GRID1: variants seen among roughly 807,000 people sequenced by gnomAD.
GRID1 encodes the protein glutamate receptor ionotropic, delta-1.
In GRID1, 28 loss-of-function variants were observed where a neutral mutation model predicts 98.0. That is an observed-to-expected ratio of 0.29 (90% CI 0.21 to 0.39). The LOEUF is 0.39. Among genes scored for constraint, GRID1 ranks in the 10% least tolerant of loss-of-function variants. GRID1 has a pLI of 1.00. For missense variants in GRID1, 1,111 were observed against 1,340.5 expected (o/e 0.83, Z 2.67); for synonymous variants, 553 against 538.5 (o/e 1.03, Z -0.37).
chr10:85,635,673 G>A (rs1201064133), intron 13 of GRID1, among the ~76,000 whole-genome samples: 1 of 152,198 alleles, frequency 6.6e-6, no homozygotes, highest in Non-Finnish European at 1.5e-5. Flanking sequence ...GTCTAGCAGG[G>A]CTGTGACAGA....
intron 8 of GRID1, among the ~76,000 whole-genome samples, chr10:85,826,225 C>T (rs529203518): frequency 2.0e-5 from 3 of 152,254 alleles, no homozygotes; most frequent in Middle Eastern, 6.8e-3. Flanking sequence ...ATCCCAGCTA[C>T]TCGGGAGGCT....
chr10:86,045,785 C>T (rs192166426), intron 4 of GRID1, among the ~76,000 whole-genome samples: 183 of 152,226 alleles, frequency 1.2e-3, no homozygotes, highest in African/African-American at 4.0e-3. Flanking sequence ...GTGTGAAGGC[C>T]GTTGTTATGG....
chr10:85,768,076 C>G (rs961764736), intron 8 of GRID1, among the ~76,000 whole-genome samples: 3 of 152,160 alleles, frequency 2.0e-5, no homozygotes, highest in African/African-American at 7.2e-5. Context: ...GGAAAGTTTT[C>G]TCACCTTCCC....
intron 4 of GRID1, among the ~76,000 whole-genome samples, chr10:86,122,382 A>G (rs925324452): frequency 1.3e-5 from 2 of 152,240 alleles, no homozygotes; most frequent in Non-Finnish European, 2.9e-5. Context: ...CATTCCCTGC[A>G]CATTCACTTA....
At chr10:85,913,709 AG>A (rs55704251) in intron 5 of GRID1, among the ~76,000 whole-genome samples, 152,337 of 152,338 alleles carry the variant, frequency 1, 76,168 homozygotes, top group Non-Finnish European at 1. Context: ...GAATTGCTTG[AG>A]GCCCGGGAGG....
intron 8 of GRID1, among the ~76,000 whole-genome samples, chr10:85,850,975 C>G (rs1279530838): frequency 6.6e-6 from 1 of 152,192 alleles, no homozygotes; most frequent in Admixed American, 6.5e-5. Context: ...TCCCTACACC[C>G]AGCAGCTTCC....
intron 8 of GRID1, among the ~76,000 whole-genome samples, chr10:85,798,380 T>C (rs912225349): frequency 6.6e-6 from 1 of 152,170 alleles, no homozygotes; most frequent in Non-Finnish European, 1.5e-5. Context: ...ATAGAGAATA[T>C]ATAGACAGTA....
intron 3 of GRID1, among the ~76,000 whole-genome samples, chr10:86,184,444 T>C (rs7092203): frequency 0.1 from 15,546 of 149,222 alleles, 1,392 homozygotes; most frequent in African/African-American, 0.23. Flanking sequence ...AAGGTGATTG[T>C]AGTATATTTC....
chr10:85,967,875 C>T (rs935948805), intron 4 of GRID1, among the ~76,000 whole-genome samples: 1 of 152,086 alleles, frequency 6.6e-6, no homozygotes, highest in Non-Finnish European at 1.5e-5. Flanking sequence ...GTTCAAAGTA[C>T]TGCAAGTAAA....
chr10:86,106,210 A>C (rs1419700104), intron 4 of GRID1, among the ~76,000 whole-genome samples: 1 of 151,720 alleles, frequency 6.6e-6, no homozygotes, highest in Non-Finnish European at 1.5e-5. Context: ...GAACACCGTC[A>C]AAAAAAAATT....
At chr10:86,311,319 CAGG>C (rs890059501) in intron 2 of GRID1, among the ~76,000 whole-genome samples, 42 of 152,296 alleles carry the variant, frequency 2.8e-4, no homozygotes, top group African/African-American at 8.4e-4. Flanking sequence ...CTTCAGCAAG[CAGG>C]AGGAGGATAT....
At position 85,600,549 on chromosome 10, in the gene GRID1, C is replaced by G. The variant is rs1275613701; in HGVS notation, c.*1724G>C. On this transcript the variant is annotated 3_prime_UTR_variant, in exon 16 of 16. Coordinates refer to ENST00000327946, the MANE Select transcript of GRID1 (RefSeq NM_017551.3). ...AGGACTTTGTATTTCTCCATGATCA[C>G]AGAACCAGGCTCTCAGCTCCCTGAT... The G allele has an allele frequency of 6.6e-6, 1 of 152,240 alleles. No individual in the cohort carries two copies. Among genetic ancestry groups the G allele is most frequent in the Non-Finnish European group, 1.5e-5 (1 of 68,070 alleles). The allele number at this position is 152,240 out of a possible 1,614,324, so 9.4% of individuals were successfully genotyped here.
In GRID1 at chr10:85,599,802, A is replaced by AAAAAAAAAATATATAT; in HGVS notation, c.*2470_*2471insATATATATTTTTTTTT. 1.8e-4 allele frequency: 12 copies of AAAAAAAAAATATATAT among 64,980 alleles called. No homozygotes were observed. In the East Asian group the frequency reaches 3.8e-3, roughly 21 times the overall value. 4.0% of individuals were successfully genotyped at this position (64,980 alleles called of 1,614,324 possible). A position where few individuals can be genotyped will look rare whatever the true frequency, so the allele number is the denominator to read the frequency against. On this transcript the variant is annotated 3_prime_UTR_variant, in exon 16 of 16. Transcript: ENST00000327946. ...GTAGAAAATTCTAAAAAAAAAAAAAAATATATATATATATATATAAACATG... is the reference window on the plus strand; with the variant it reads ...GTAGAAAATTCTAAAAAAAAAAAAAAAAAAAAAAATATATATATATATATATATATATATAAACATG...
At chr10:85,674,784 T>C (rs1841126011) in intron 12 of GRID1, among the ~76,000 whole-genome samples, 1 of 151,934 alleles carries the variant, frequency 6.6e-6, no homozygotes, top group South Asian at 2.1e-4. Flanking sequence ...GACACTGACA[T>C]GCCCAGTGTA....
At chr10:86,291,641 G>C (rs1847513698) in intron 2 of GRID1, among the ~76,000 whole-genome samples, 1 of 152,158 alleles carries the variant, frequency 6.6e-6, no homozygotes, top group Non-Finnish European at 1.5e-5. Context: ...CACTCTCTCT[G>C]TTCATCTCAG....
chr10:85,914,519 A>G (rs1483296549), intron 5 of GRID1, among the ~76,000 whole-genome samples: 1 of 152,100 alleles, frequency 6.6e-6, no homozygotes, highest in Admixed American at 6.5e-5. Context: ...GTCCCTTCTA[A>G]TTACCAGCAC....
chr10:85,947,791 A>T (rs535401570), intron 4 of GRID1, among the ~76,000 whole-genome samples: 1 of 152,388 alleles, frequency 6.6e-6, no homozygotes, highest in Admixed American at 6.5e-5. Context: ...AAAGAGGGTC[A>T]GACGTCCCAA....
rs545988276 is a variant in GRID1 at position 86,182,427 on chromosome 10, C to T, written c.520+23937G>A. Among the ~76,000 whole-genome samples the T allele has an allele frequency of 7.2e-5, 11 of 152,346 alleles. No individual in the cohort carries two copies. In the East Asian group the frequency reaches 9.6e-4, roughly 13 times the overall value. On this transcript the variant is annotated intron_variant, in intron 3 of 15. Transcript: ENST00000327946. ...GAGACTGGCCAAGGCCGCCCCAGCA[C>T]GGCAGCCTGGTGTCTCGGGCATGCT...
chr10:86,018,263 C>G (rs1207194633), intron 4 of GRID1, among the ~76,000 whole-genome samples: 1 of 152,196 alleles, frequency 6.6e-6, no homozygotes, highest in African/African-American at 2.4e-5. Flanking sequence ...GAGCCACAAC[C>G]AAACCCTGGC....
Sources: allele counts gnomAD v4.1 joint callset (sites outside exome capture counted in the v4.1 genomes callset), GRCh38; gene constraint gnomAD v4.1.1; transcripts MANE v1.5; gene names NCBI Gene and HGNC (gene_info 2026-07-23, HGNC 2026-07-21).